Variants in CNTNAP2 observed in about 807,000 individuals in gnomAD.
CNTNAP2 encodes contactin-associated protein-like 2.
CNTNAP2 carries 98 observed loss-of-function variants against 155.2 expected under a neutral mutation model. The observed-to-expected ratio is 0.63, with a 90% CI of 0.54 to 0.75. CNTNAP2 has a LOEUF of 0.75. Among genes scored for constraint, CNTNAP2 ranks in the 30% least tolerant of loss-of-function variants. The pLI, the probability that CNTNAP2 is intolerant of heterozygous loss-of-function variation, is 0.00. For synonymous variants in CNTNAP2, 651 were observed against 631.2 expected (o/e 1.03, Z -0.47); for missense variants, 1,727 against 1,688.1 (o/e 1.02, Z -0.40).
intron 15 of CNTNAP2, among the ~76,000 whole-genome samples, chr7:148,086,389 C>T (rs1244538657): frequency 6.6e-6 from 1 of 152,130 alleles, no homozygotes; most frequent in Non-Finnish European, 1.5e-5. Context: ...AAAACTAGTG[C>T]TCCAACAAAT....
In CNTNAP2 at chr7:147,839,635, G is replaced by C. The variant is rs181618868; in HGVS notation, c.2099-63930G>C. 2.0e-3 allele frequency among the ~76,000 whole-genome samples: 310 copies of C among 152,230 alleles called. 2 individuals are homozygous for C. Among genetic ancestry groups the C allele is most frequent in the Non-Finnish European group, 2.9e-3 (194 of 68,022 alleles). ...TTTTAGGATCTTAACAGCATCCCTG[G>C]CCTCTGTCCATGAGGTGCTAGTGTG... On this transcript the variant is annotated intron_variant, in intron 13 of 23. Transcript: ENST00000361727.
intron 15 of CNTNAP2, among the ~76,000 whole-genome samples, chr7:148,035,404 T>A (rs1802555053): frequency 6.6e-6 from 1 of 152,144 alleles, no homozygotes; most frequent in Non-Finnish European, 1.5e-5. Flanking sequence ...TTGGTTTCTC[T>A]GCCCAGGGCG....
At chr7:146,430,543 A>C (rs1796159625) in intron 1 of CNTNAP2, among the ~76,000 whole-genome samples, 1 of 152,040 alleles carries the variant, frequency 6.6e-6, no homozygotes, top group African/African-American at 2.4e-5. Context: ...TGGAGGCAGT[A>C]ACTGCTATTA....
At chr7:148,123,816 C>T (rs1804657647) in intron 16 of CNTNAP2, among the ~76,000 whole-genome samples, 1 of 152,040 alleles carries the variant, frequency 6.6e-6, no homozygotes, top group Non-Finnish European at 1.5e-5. Context: ...AGTAGGAAGA[C>T]AGTGGTACCC....
intron 13 of CNTNAP2, among the ~76,000 whole-genome samples, chr7:147,662,644 G>A (rs1053030789): frequency 6.6e-6 from 1 of 152,106 alleles, no homozygotes; most frequent in Non-Finnish European, 1.5e-5. Context: ...TTTGGTTGTA[G>A]GAATTATTCC....
chr7:147,663,180 G>A (rs74758956), intron 13 of CNTNAP2, among the ~76,000 whole-genome samples: 7,623 of 14,364 alleles, frequency 0.53, 636 homozygotes, highest in African/African-American at 0.54. Context: ...TGTAATTTTC[G>A]TAGGGACGGG....
At chr7:148,319,665 A>G (rs1424217767) in intron 21 of CNTNAP2, among the ~76,000 whole-genome samples, 1 of 151,922 alleles carries the variant, frequency 6.6e-6, no homozygotes, top group Non-Finnish European at 1.5e-5. Flanking sequence ...TCATAGGAGC[A>G]CAAACCCGAT....
chr7:146,867,523 T>C (rs1314515917), intron 3 of CNTNAP2, among the ~76,000 whole-genome samples: 1 of 152,188 alleles, frequency 6.6e-6, no homozygotes, highest in Admixed American at 6.6e-5. Context: ...TATATACCTC[T>C]GGGTATATAC....
At position 148,404,775 on chromosome 7, in the gene CNTNAP2, G is replaced by A. The variant is rs1248720841; in HGVS notation, c.3716-4616G>A. Among the ~76,000 whole-genome samples the A allele has an allele frequency of 3.9e-5, 6 of 152,208 alleles. No homozygotes were observed. In the East Asian group the frequency reaches 1.2e-3, roughly 29 times the overall value. ...GGTCACACAGTTTTATTGAGTGATG[G>A]AGGTGGCTCTCAGTGGGATGGGGAG... On this transcript the variant is annotated intron_variant, in intron 22 of 23. Transcript: ENST00000361727.
At chr7:147,149,924 T>C (rs954346684) in intron 8 of CNTNAP2, among the ~76,000 whole-genome samples, 1 of 152,196 alleles carries the variant, frequency 6.6e-6, no homozygotes, top group Non-Finnish European at 1.5e-5. Flanking sequence ...AACTTGGCAA[T>C]AGGTCTATGC....
chr7:148,061,053 A>T (rs1352674465), intron 15 of CNTNAP2, among the ~76,000 whole-genome samples: 1 of 152,230 alleles, frequency 6.6e-6, no homozygotes, highest in Non-Finnish European at 1.5e-5. Flanking sequence ...GATTTACTTA[A>T]TTTTTTTAAA....
intron 1 of CNTNAP2, among the ~76,000 whole-genome samples, chr7:146,214,772 C>T (rs1799088596): frequency 6.6e-6 from 1 of 151,932 alleles, no homozygotes. Context: ...TATTGCATTG[C>T]AACAATAACC....
At chr7:147,240,602 G>A (rs1295895271) in intron 8 of CNTNAP2, among the ~76,000 whole-genome samples, 4 of 152,168 alleles carry the variant, frequency 2.6e-5, no homozygotes, top group Admixed American at 2.0e-4. Flanking sequence ...CCTCTGTGGT[G>A]TTCGAGTTCC....
At chr7:147,494,500 TGCATATTGAAAAGCA>T (rs1798664310) in intron 11 of CNTNAP2, among the ~76,000 whole-genome samples, 1 of 147,574 alleles carries the variant, frequency 6.8e-6, no homozygotes, top group Admixed American at 6.8e-5. Flanking sequence ...GATCTGCAAA[TGCATATTGAAAAGCA>T]GTGTGCTGTA....
At chr7:148,063,480 T>C (rs1321281556) in intron 15 of CNTNAP2, among the ~76,000 whole-genome samples, 2 of 151,894 alleles carry the variant, frequency 1.3e-5, no homozygotes. Flanking sequence ...TTTTCCTCTG[T>C]TTTTTATTTT....
intron 4 of CNTNAP2, among the ~76,000 whole-genome samples, chr7:147,076,254 T>C (rs947158601): frequency 1.7e-4 from 26 of 152,362 alleles, no homozygotes; most frequent in South Asian, 6.2e-4. Flanking sequence ...ACCAACAGTG[T>C]AAAAGTGTTC....
At chr7:147,619,714 A>G (rs1158082040) in intron 12 of CNTNAP2, among the ~76,000 whole-genome samples, 1 of 152,154 alleles carries the variant, frequency 6.6e-6, no homozygotes, top group African/African-American at 2.4e-5. Flanking sequence ...TGATTGCTGG[A>G]GGATGGCAAC....
intron 1 of CNTNAP2, among the ~76,000 whole-genome samples, chr7:146,490,712 C>G (rs903297369): frequency 6.6e-6 from 1 of 152,082 alleles, no homozygotes; most frequent in Non-Finnish European, 1.5e-5. Context: ...AAAATAAGTT[C>G]ATATTTTTAG....
chr7:146,774,972 AAG>A (rs1286608730), intron 2 of CNTNAP2, among the ~76,000 whole-genome samples: 4 of 152,210 alleles, frequency 2.6e-5, no homozygotes, highest in African/African-American at 9.7e-5. Flanking sequence ...CTGAGAGTAA[AAG>A]AACATAATTA....
Sources: gnomAD v4.1 joint callset for allele counts (sites outside exome capture counted in the v4.1 genomes callset) on GRCh38, gnomAD v4.1.1 for gene constraint, MANE v1.5 for transcripts, NCBI Gene and HGNC (gene_info 2026-07-23, HGNC 2026-07-21) for gene names.